ACSS3: variants seen among roughly 807,000 people sequenced by gnomAD.
ACSS3 encodes acyl-CoA synthetase short chain family member 3, also known as acyl-CoA synthetase short-chain family member 3, mitochondrial.
ACSS3 carries 64 observed loss-of-function variants against 84.2 expected under a neutral mutation model. The ratio of observed to expected loss-of-function variants is 0.76; its 90% CI spans 0.62 to 0.94. The LOEUF is 0.94. Among genes scored for constraint, ACSS3 ranks in the 40% least tolerant of loss-of-function variants. The pLI is 0.00. For synonymous variants in ACSS3, 317 were observed against 310.1 expected (o/e 1.02, Z -0.23); for missense variants, 815 against 867.6 (o/e 0.94, Z 0.76).
intron 7 of ACSS3, among the ~76,000 whole-genome samples, chr12:81,160,431 G>A (rs188737714): frequency 9.3e-4 from 142 of 152,344 alleles, no homozygotes; most frequent in Non-Finnish European, 1.7e-3. Flanking sequence ...AGAGAAAGGT[G>A]AGGATTTAAA....
At chr12:81,141,884 G>C (rs1340614301) in intron 4 of ACSS3, among the ~76,000 whole-genome samples, 1 of 152,200 alleles carries the variant, frequency 6.6e-6, no homozygotes, top group Non-Finnish European at 1.5e-5. Context: ...GGAGAAAGCA[G>C]TTTGGCCTGA....
At chr12:81,230,123 A>C (rs976736471) in intron 11 of ACSS3, among the ~76,000 whole-genome samples, 1 of 151,908 alleles carries the variant, frequency 6.6e-6, no homozygotes, top group Non-Finnish European at 1.5e-5. Flanking sequence ...CTACGAATTT[A>C]CAACTCCATT....
At chr12:81,137,126 C>T (rs1241896061) in intron 3 of ACSS3, among the ~76,000 whole-genome samples, 1 of 132,424 alleles carries the variant, frequency 7.6e-6, no homozygotes, top group Non-Finnish European at 1.8e-5. Context: ...CCATCTGGGT[C>T]CTTTTTTATC....
intron 9 of ACSS3, among the ~76,000 whole-genome samples, chr12:81,207,945 GTCT>G (rs1277422518): frequency 6.6e-6 from 1 of 152,046 alleles, no homozygotes; most frequent in Non-Finnish European, 1.5e-5. Flanking sequence ...CGAATTAATG[GTCT>G]TCTTCCTATA....
At chr12:81,101,772 GA>G (rs1375310580) in intron 1 of ACSS3, among the ~76,000 whole-genome samples, 3 of 151,872 alleles carry the variant, frequency 2.0e-5, no homozygotes, top group Non-Finnish European at 4.4e-5. Context: ...TATCAAGTCA[GA>G]GGGGCAAATG....
chr12:81,231,013 T>A (rs971486815), intron 11 of ACSS3, 44 bp from the exon 12 acceptor site: 2 of 1,429,330 alleles, frequency 1.4e-6, no homozygotes, highest in Non-Finnish European at 2.0e-6. Context: ...CCTGTCTTTA[T>A]TACCACTTTC....
intron 2 of ACSS3, among the ~76,000 whole-genome samples, chr12:81,123,696 C>T (rs1214394049): frequency 1.3e-5 from 2 of 152,108 alleles, no homozygotes; most frequent in Non-Finnish European, 2.9e-5. Context: ...GTTTAGATCC[C>T]ACCTACATGT....
intron 13 of ACSS3, among the ~76,000 whole-genome samples, chr12:81,247,885 A>G (rs919361368): frequency 2.6e-5 from 4 of 152,056 alleles, no homozygotes; most frequent in African/African-American, 9.7e-5. Flanking sequence ...ACTTTTTGGA[A>G]TAGGAATTGA....
chr12:81,129,768 C>T (rs1885364368), intron 2 of ACSS3, among the ~76,000 whole-genome samples: 1 of 149,334 alleles, frequency 6.7e-6, no homozygotes, highest in Non-Finnish European at 1.5e-5. Flanking sequence ...AATGCTATCC[C>T]TCTCCCCTCC....
chr12:81,120,725 C>T (rs1283279559), intron 2 of ACSS3, among the ~76,000 whole-genome samples: 6 of 152,072 alleles, frequency 3.9e-5, no homozygotes, highest in Admixed American at 3.9e-4. Context: ...ATATGTAATA[C>T]TTAAGTAAAT....
intron 9 of ACSS3, among the ~76,000 whole-genome samples, chr12:81,206,435 C>G (rs1053887994): frequency 7.9e-5 from 12 of 152,100 alleles, no homozygotes; most frequent in African/African-American, 2.7e-4. Flanking sequence ...TAACTACTGT[C>G]TGATACATCT....
chr12:81,213,590 C>CTTT (rs1565723274), intron 9 of ACSS3, among the ~76,000 whole-genome samples: 1 of 9,312 alleles, frequency 1.1e-4, no homozygotes, highest in Admixed American at 1.3e-3. Context: ...TCCTCCCCTC[C>CTTT]CCTCCCCTCC....
At chr12:81,172,479 C>T (rs115380876) in intron 7 of ACSS3, among the ~76,000 whole-genome samples, 1,722 of 151,548 alleles carry the variant, frequency 0.011, 16 homozygotes, top group African/African-American at 0.02. Context: ...TGTAGTATTT[C>T]GGGCATGCAC....
chr12:81,134,457 C>T (rs1885682269), intron 2 of ACSS3, among the ~76,000 whole-genome samples: 1 of 152,094 alleles, frequency 6.6e-6, no homozygotes, highest in Non-Finnish European at 1.5e-5. Flanking sequence ...AATACATAGG[C>T]TCTACAGGGA....
chr12:81,127,973 A>G (rs1057099841), intron 2 of ACSS3, among the ~76,000 whole-genome samples: 3 of 152,166 alleles, frequency 2.0e-5, no homozygotes, highest in Admixed American at 6.5e-5. Flanking sequence ...TTCCAGAATG[A>G]TAACATAAAA....
chr12:81,182,499 A>G (rs936094634), intron 8 of ACSS3, among the ~76,000 whole-genome samples: 1 of 152,202 alleles, frequency 6.6e-6, no homozygotes, highest in Non-Finnish European at 1.5e-5. Flanking sequence ...TCATACCTAC[A>G]CCTAGTATGA....
chr12:81,245,643 A>G (rs2136002484), intron 13 of ACSS3, among the ~76,000 whole-genome samples: 1 of 152,316 alleles, frequency 6.6e-6, no homozygotes, highest in East Asian at 1.9e-4. Flanking sequence ...CTCGGGTTTT[A>G]CAACCTTGGC....
At chr12:81,114,061 A>G (rs183804450) in intron 2 of ACSS3, among the ~76,000 whole-genome samples, 30 of 152,160 alleles carry the variant, frequency 2.0e-4, no homozygotes, top group Non-Finnish European at 3.4e-4. Context: ...TGTGTGTGGC[A>G]AGTGTGCTCT....
At chr12:81,162,279 G>T (rs912318508) in intron 7 of ACSS3, among the ~76,000 whole-genome samples, 1 of 152,158 alleles carries the variant, frequency 6.6e-6, no homozygotes, top group Non-Finnish European at 1.5e-5. Context: ...ACCTGGAGAG[G>T]GTAGCTCCTA....
Sources: allele counts gnomAD v4.1 joint callset (sites outside exome capture counted in the v4.1 genomes callset), GRCh38; gene constraint gnomAD v4.1.1; transcripts MANE v1.5; gene names NCBI Gene and HGNC (gene_info 2026-07-23, HGNC 2026-07-21).